Variants in CUX1 observed in about 807,000 individuals in gnomAD.
CUX1 encodes the protein protein CASP.
In CUX1, 31 loss-of-function variants were observed where a neutral mutation model predicts 158.8. The ratio of observed to expected loss-of-function variants is 0.20; its 90% CI spans 0.15 to 0.26. CUX1 has a LOEUF of 0.26. Among genes scored for constraint, CUX1 ranks in the 10% least tolerant of loss-of-function variants. CUX1 has a pLI of 1.00. For missense variants in CUX1, 1,589 were observed against 2,014.6 expected (o/e 0.79, Z 4.04); for synonymous variants, 879 against 862.1 (o/e 1.02, Z -0.34).
intron 1 of CUX1, among the ~76,000 whole-genome samples, chr7:101,874,310 T>G (rs559441616): frequency 2.4e-4 from 37 of 152,292 alleles, no homozygotes; most frequent in Admixed American, 1.9e-3. Context: ...GCTTAATATG[T>G]CCTATTCAAT....
chr7:102,125,634 G>A (rs1370499685), intron 8 of CUX1: 2 of 143,914 alleles, frequency 1.4e-5, no homozygotes, highest in Admixed American at 1.4e-4. Flanking sequence ...CCTTCCTGTG[G>A]AATACTCCCG....
chr7:102,243,667 AT>A (rs1554535788), intron 23 of CUX1, among the ~76,000 whole-genome samples: 178 of 147,200 alleles, frequency 1.2e-3, no homozygotes, highest in African/African-American at 4.1e-3. Context: ...AATAATAATA[AT>A]AATAATAATA....
intron 9 of CUX1, among the ~76,000 whole-genome samples, chr7:102,168,882 G>GCTTTTCTTTT (rs370878244): frequency 2.1e-5 from 3 of 144,302 alleles, no homozygotes; most frequent in East Asian, 2.0e-4. Context: ...GCTTGGCCAG[G>GCTTTTCTTTT]CTTTTCTTTT....
chr7:102,253,661 C>A lies in CUX1; in HGVS notation c.*4619C>A. ...CACACAAAAGCAGAGAGATTTTGAA[C>A]TGAGGGGCGACAGCCTTTGCCTTAA... On this transcript the variant is annotated 3_prime_UTR_variant, in exon 24 of 24. Transcript: ENST00000292535. 11 of 983,714 alleles carry A rather than the reference C, an allele frequency of 1.1e-5. No individual in the cohort carries two copies. Among genetic ancestry groups the A allele is most frequent in the Non-Finnish European group, 1.3e-5 (11 of 829,746 alleles). The allele number at this position is 983,714 out of a possible 1,614,324, so 60.9% of individuals were successfully genotyped here. A position where few individuals can be genotyped will look rare whatever the true frequency, so the allele number is the denominator to read the frequency against.
At chr7:102,099,023 A>G (rs1056209531) in intron 5 of CUX1, among the ~76,000 whole-genome samples, 1 of 152,040 alleles carries the variant, frequency 6.6e-6, no homozygotes, top group Non-Finnish European at 1.5e-5. Flanking sequence ...ACCAGGGAAG[A>G]AGAATTGTCC....
At chr7:101,938,137 C>T in intron 2 of CUX1, among the ~76,000 whole-genome samples, 1 of 147,430 alleles carries the variant, frequency 6.8e-6, no homozygotes, top group African/African-American at 2.5e-5. Flanking sequence ...TTTTTTGAGA[C>T]AGTCTCACTC....
intron 2 of CUX1, among the ~76,000 whole-genome samples, chr7:101,985,408 A>T (rs1563093802): frequency 6.6e-6 from 1 of 152,174 alleles, no homozygotes. Context: ...ACCTGGGGCC[A>T]AGAGGAGCGT....
intron 11 of CUX1, among the ~76,000 whole-genome samples, chr7:102,183,706 A>C (rs1554514599): frequency 6.6e-6 from 1 of 152,150 alleles, no homozygotes. Context: ...AGACTCCCAC[A>C]CCAACTCTAA....
rs1159017025 is a variant in CUX1, at chr7:102,151,727, C to CAAA, written c.675-6804_675-6802dup. ...TGGGCGACAGAGTGAGACTCTGTCT[C>CAAA]AAAAAAAAAAAAAAAAAAAAAAAAA... is the stretch of plus-strand genomic sequence containing the variant. On this transcript the variant is annotated intron_variant, in intron 8 of 23. Transcript: ENST00000292535. Among the ~76,000 whole-genome samples the CAAA allele has an allele frequency of 3.3e-3, 129 of 38,876 alleles. 6 individuals are homozygous for CAAA. The highest frequency in any genetic ancestry group is 5.7e-3 in the African/African-American group (64 of 11,146). 25.5% of individuals were successfully genotyped at this position (38,876 alleles called of 152,430 possible).
intron 21 of CUX1, chr7:102,282,567 G>C (rs1381297684): frequency 1.4e-6 from 1 of 721,960 alleles, no homozygotes; most frequent in East Asian, 2.7e-5. Context: ...GAAGCAGTGG[G>C]TGCAGGAACA....
chr7:101,877,608 GC>G lies in CUX1; in HGVS notation c.31-38504del, dbSNP rs1584854371. 2.6e-5 allele frequency among the ~76,000 whole-genome samples: 4 copies of G among 152,270 alleles called. No homozygotes were observed. The East Asian group carries it at 7.7e-4, about 29-fold the overall frequency. ...AGGCTGAGGCAGGAGAATCGCTTGA[GC>G]CCAGGAGGTGGAGGTTTCAGTGAGC... On this transcript the variant is annotated intron_variant, in intron 1 of 23. Coordinates refer to ENST00000292535, the MANE Select transcript of CUX1 (RefSeq NM_181552.4).
chr7:101,955,025 A>G (rs1388816000), intron 2 of CUX1, among the ~76,000 whole-genome samples: 3 of 151,916 alleles, frequency 2.0e-5, no homozygotes, highest in Non-Finnish European at 2.9e-5. Context: ...GCAAAAATCA[A>G]CTGGGCCTGG....
intron 1 of CUX1, among the ~76,000 whole-genome samples, chr7:101,818,312 T>TA (rs1249784816): frequency 6.6e-6 from 1 of 152,224 alleles, no homozygotes; most frequent in Non-Finnish European, 1.5e-5. Flanking sequence ...GTGCTTACTG[T>TA]AAAACCCGTT....
At position 102,015,128 on chromosome 7, in the gene CUX1, G is replaced by A. The variant is rs567499577; in HGVS notation, c.142-12970G>A. Among the ~76,000 whole-genome samples the A allele has an allele frequency of 1.1e-3, 164 of 152,248 alleles. 1 individual carries two copies. Among genetic ancestry groups the A allele is most frequent in the African/African-American group, 3.9e-3 (160 of 41,554 alleles). ...TCTTTTTCAAGCTGCTTAATTTTAG[G>A]TAAACTAGTTGCACACAAGCGATGA... On this transcript the variant is annotated intron_variant, in intron 2 of 23. Transcript: ENST00000292535.
chr7:101,986,774 G>A (rs776989996), intron 2 of CUX1, among the ~76,000 whole-genome samples: 6 of 152,154 alleles, frequency 3.9e-5, no homozygotes, highest in African/African-American at 4.8e-5. Context: ...GCCCAACTCC[G>A]GACCCTACCA....
At position 101,911,325 on chromosome 7, in the gene CUX1, C is replaced by T. The variant is rs933049528; in HGVS notation, c.31-4790C>T. 7.9e-5 allele frequency among the ~76,000 whole-genome samples: 12 copies of T among 151,380 alleles called. No homozygotes were observed. The South Asian group carries it at 1.0e-3, about 13-fold the overall frequency. On this transcript the variant is annotated intron_variant, in intron 1 of 23. Transcript: ENST00000292535. The stretch of plus-strand genomic sequence containing the variant: ...GTCTTGGCCTTGGTCCTGCGGTGGA[C>T]GACCTGAGCCCTGGCCTTGGCCTTG...
rs1554519720 is a variant in CUX1 at position 102,201,545 on chromosome 7, C to T, written c.2248C>T (p.Pro750Ser). 1 of 1,614,154 alleles carries T rather than the reference C, an allele frequency of 6.2e-7. No individual in the cohort carries two copies. Among genetic ancestry groups the T allele is most frequent in the East Asian group, 2.2e-5 (1 of 44,858 alleles). The part of the protein sequence containing the change: ...ILTPKLLSTS[P>S]MPTVSSYPPL... ...CACCCCCAAGCTTCTGTCCACCTCGCCCATGCCCACCGTGTCCAGCTACCC... is the reference window on the plus strand; with the variant it reads ...CACCCCCAAGCTTCTGTCCACCTCGTCCATGCCCACCGTGTCCAGCTACCC... The change falls in exon 18 of 24, where the codon CCC becomes TCC. Residue 750 changes from proline (P) to serine (S), a missense_variant. Pro to Ser is a moderately conservative substitution (Grantham distance 74). Coordinates refer to ENST00000292535, the MANE Select transcript of CUX1 (RefSeq NM_181552.4). The surrounding 1 kb of genome is among the most constrained non-coding windows in gnomAD (Gnocchi z 5.0).
Position 102,065,242 on chromosome 7 carries a change from G to A in CUX1, c.190-5097G>A, listed in dbSNP as rs565068822. ...ACTACAGGCGTGTACCACCGTGCCTGTCTAATTTGTATTTTTTTGTAGAGA... is the reference window on the plus strand; with the variant it reads ...ACTACAGGCGTGTACCACCGTGCCTATCTAATTTGTATTTTTTTGTAGAGA... On this transcript the variant is annotated intron_variant, in intron 3 of 23. Coordinates refer to ENST00000292535, the MANE Select transcript of CUX1 (RefSeq NM_181552.4). Among the ~76,000 whole-genome samples, 9 of 152,096 alleles carry A rather than the reference G, an allele frequency of 5.9e-5. No homozygotes were observed. The East Asian group carries it at 1.5e-3, about 26-fold the overall frequency.
Position 102,250,752 on chromosome 7 carries a change from A to G in CUX1, c.*1710A>G, listed in dbSNP as rs1801422920. 4.1e-6 allele frequency: 4 copies of G among 985,302 alleles called. No homozygotes were observed. The South Asian group carries it at 1.4e-4, about 35-fold the overall frequency. 61.0% of individuals were successfully genotyped at this position (985,302 alleles called of 1,614,324 possible). A position where few individuals can be genotyped will look rare whatever the true frequency, so the allele number is the denominator to read the frequency against. ...TGATTCCTCCCTTGTCTATGTGTATATGCGTGAGAATAGAGGCGGGTGAGA... is the reference window on the plus strand; with the variant it reads ...TGATTCCTCCCTTGTCTATGTGTATGTGCGTGAGAATAGAGGCGGGTGAGA... On this transcript the variant is annotated 3_prime_UTR_variant, in exon 24 of 24. Transcript: ENST00000292535.
Sources: gnomAD v4.1 joint callset for allele counts (sites outside exome capture counted in the v4.1 genomes callset) on GRCh38, gnomAD v4.1.1 for gene constraint, Gnocchi (gnomAD v3.1) non-coding constraint, MANE v1.5 for transcripts, NCBI Gene and HGNC (gene_info 2026-07-23, HGNC 2026-07-21) for gene names.